PSORS1C1: variants seen among roughly 807,000 people sequenced by gnomAD.
PSORS1C1 encodes the protein psoriasis susceptibility 1 candidate gene 1 protein.
Under a neutral mutation model 9.4 loss-of-function variants are expected in PSORS1C1, and 7 were observed. The ratio of observed to expected loss-of-function variants is 0.75; its 90% CI spans 0.42 to 1.40. The LOEUF (loss-of-function observed/expected upper bound fraction) is 1.40. PSORS1C1 is among the 40% of genes most tolerant of loss of function. The pLI is 0.01. For missense variants in PSORS1C1, 146 were observed against 178.1 expected, an observed-to-expected ratio of 0.82 and a Z score of 1.02; for synonymous variants, 63 against 69.4, an observed-to-expected ratio of 0.91 and a Z score of 0.46.
chr6:31,130,578 A>ATT (rs9281218), intron 3 of PSORS1C1, among the ~76,000 whole-genome samples: 2 of 151,436 alleles, frequency 1.3e-5, no homozygotes, highest in Non-Finnish European at 2.9e-5. Flanking sequence ...CTCCCGGCTA[A>ATT]TTTTTTTTGT....
chr6:31,127,761 C>T (rs1772746037), intron 2 of PSORS1C1, among the ~76,000 whole-genome samples: 1 of 151,844 alleles, frequency 6.6e-6, no homozygotes, highest in Admixed American at 6.6e-5. Flanking sequence ...TTGCAGTGAG[C>T]TGAGATCGCA....
At position 31,120,318 on chromosome 6, in the gene PSORS1C1, G is replaced by A. The variant is rs372415381; in HGVS notation, c.-228-5358G>A. The A allele has an allele frequency of 3.8e-5, 60 of 1,558,836 alleles. No homozygotes were observed. The African/African-American group carries it at 8.0e-4, about 21-fold the overall frequency. ...CCTCCCGCCTCCCTCCTGTTCCCAG[G>A]GCCCCCAGCCTCCTACCTGGCAGGA... On this transcript the variant is annotated intron_variant, in intron 1 of 5. Coordinates refer to ENST00000259881, the MANE Select transcript of PSORS1C1 (RefSeq NM_014068.3).
chr6:31,138,786 G>A lies in PSORS1C1; in HGVS notation c.167+7G>A, dbSNP rs779284063. Reference sequence around the variant, plus strand: ...AGCCAGCAAACCATTTCTGGTGAGAGCCAAATGCACCTTCTGCACCATGTC... The same window carrying A: ...AGCCAGCAAACCATTTCTGGTGAGAACCAAATGCACCTTCTGCACCATGTC... On this transcript the variant is annotated splice_region_variant and intron_variant, in intron 5 of 5. Transcript: ENST00000259881. 7.4e-6 allele frequency: 12 copies of A among 1,613,974 alleles called. No individual in the cohort carries two copies. Among genetic ancestry groups the A allele is most frequent in the African/African-American group, 1.3e-5 (1 of 74,872 alleles).
chr6:31,119,472 G>A (rs1424115091), intron 1 of PSORS1C1, among the ~76,000 whole-genome samples: 4 of 152,196 alleles, frequency 2.6e-5, no homozygotes, highest in Admixed American at 6.5e-5. Context: ...CCGGCCTGGG[G>A]TTGAAATCTT....
At chr6:31,131,822 C>G (rs887812784) in intron 3 of PSORS1C1, among the ~76,000 whole-genome samples, 3 of 152,310 alleles carry the variant, frequency 2.0e-5, no homozygotes, top group East Asian at 1.9e-4. Context: ...GAGCATTTAC[C>G]AACAGTGCCC....
chr6:31,116,389 C>A lies in PSORS1C1; in HGVS notation c.-229+1498C>A, dbSNP rs9501054. ...ACTGCCGCAGGGATGGTAGGGTAAA[C>A]CGGAGCTGCTGGAAATGCTAGAACT... On this transcript the variant is annotated intron_variant, in intron 1 of 5. Transcript: ENST00000259881. 12,112 of 1,602,814 alleles carry A rather than the reference C, an allele frequency of 7.6e-3. 396 individuals carry two copies. The African/African-American group carries it at 0.076, about 10-fold the overall frequency.
At chr6:31,116,759 T>G in intron 1 of PSORS1C1, 1 of 1,613,084 alleles carries the variant, frequency 6.2e-7, no homozygotes, top group Non-Finnish European at 8.5e-7. Context: ...ACAGAGGTGA[T>G]TGGGGGACAG....
intron 1 of PSORS1C1, chr6:31,116,121 G>A: frequency 1.9e-6 from 3 of 1,610,880 alleles, no homozygotes; most frequent in Non-Finnish European, 2.5e-6. Flanking sequence ...TATCCCGGAT[G>A]GAGCGGCAGG....
In PSORS1C1 at chr6:31,114,830, A is replaced by G. The variant is rs1178311473; in HGVS notation, c.-290A>G. ...TGTGTCCCAGCCTTCCCAAGCTTCC[A>G]GGTGTCCCAGAAACCCAGGAAATCG... On this transcript the variant is annotated 5_prime_UTR_variant, in exon 1 of 6. Transcript: ENST00000259881. The G allele has an allele frequency of 2.2e-6, 1 of 455,696 alleles. No individual in the cohort carries two copies. The highest frequency in any genetic ancestry group is 1.6e-5 in the South Asian group (1 of 64,466). The allele number at this position is 455,696 out of a possible 1,614,324, so 28.2% of individuals were successfully genotyped here.
chr6:31,140,057 C>G lies in PSORS1C1; in HGVS notation c.*125C>G, dbSNP rs1338273286. 1.2e-5 allele frequency: 10 copies of G among 863,026 alleles called. No individual in the cohort carries two copies. Among genetic ancestry groups the G allele is most frequent in the Non-Finnish European group, 1.8e-5 (10 of 540,662 alleles). 53.5% of individuals were successfully genotyped at this position (863,026 alleles called of 1,614,324 possible). ...CCTCCCAGGTTGTTCCCTGCCTGGTCCGCTACCCCACAGTAAGGAACACCT... is the reference window on the plus strand; with the variant it reads ...CCTCCCAGGTTGTTCCCTGCCTGGTGCGCTACCCCACAGTAAGGAACACCT... On this transcript the variant is annotated 3_prime_UTR_variant, in exon 6 of 6. Transcript: ENST00000259881. This position sits in a 1 kb window ranked among gnomAD's most constrained non-coding sequence, Gnocchi z 4.6.
At chr6:31,138,917 C>A in intron 5 of PSORS1C1, 138 bp downstream of exon 5, 1 of 1,603,704 alleles carries the variant, frequency 6.2e-7, no homozygotes, top group African/African-American at 1.3e-5. Context: ...CCTCCGCCAT[C>A]TTGAGTATCC....
chr6:31,133,473 T>C (rs3130563), intron 3 of PSORS1C1: 139,745 of 152,244 alleles, frequency 0.92, 64,342 homozygotes, highest in East Asian at 0.98. Context: ...GGGGCAGCTT[T>C]TGTACCTGCA....
intron 1 of PSORS1C1, chr6:31,116,475 A>G: frequency 6.2e-7 from 1 of 1,602,812 alleles, no homozygotes; most frequent in South Asian, 1.1e-5. Flanking sequence ...AGCCGCCTCC[A>G]CAGAGCTGGA....
intron 3 of PSORS1C1, among the ~76,000 whole-genome samples, chr6:31,133,076 C>A (rs1772989182): frequency 6.6e-6 from 1 of 151,978 alleles, no homozygotes; most frequent in African/African-American, 2.4e-5. Context: ...AGCTCTCTGC[C>A]CCTGGAAAAG....
In PSORS1C1 at chr6:31,139,274, G is replaced by A. The variant is rs2233948; in HGVS notation, c.168-367G>A. The A allele has an allele frequency of 6.2e-5, 36 of 578,172 alleles. No individual in the cohort carries two copies. The East Asian group carries it at 7.3e-4, about 12-fold the overall frequency. 35.8% of individuals were successfully genotyped at this position (578,172 alleles called of 1,614,324 possible). A position where few individuals can be genotyped will look rare whatever the true frequency, so the allele number is the denominator to read the frequency against. ...CTCCCTATCATGACCCAGAGCCTGC[G>A]TCACCCCACCCTGGTTTTCACACCC... On this transcript the variant is annotated intron_variant, in intron 5 of 5. Coordinates refer to ENST00000259881, the MANE Select transcript of PSORS1C1 (RefSeq NM_014068.3). This position sits in a 1 kb window ranked among gnomAD's most constrained non-coding sequence, Gnocchi z 5.2.
intron 1 of PSORS1C1, chr6:31,117,563 G>C: frequency 1.3e-6 from 2 of 1,540,014 alleles, no homozygotes; most frequent in South Asian, 1.2e-5. Flanking sequence ...TAAGGGCCAA[G>C]GAGGCTTGGC....
At chr6:31,121,585 G>A (rs1772465442) in intron 1 of PSORS1C1, among the ~76,000 whole-genome samples, 1 of 152,166 alleles carries the variant, frequency 6.6e-6, no homozygotes, top group Admixed American at 6.5e-5. Context: ...TATTGCGGGA[G>A]TATCAGTATC....
Position 31,128,955 on chromosome 6 carries a change from C to A in PSORS1C1, c.-64-614C>A, listed in dbSNP as rs1772795012. Among the ~76,000 whole-genome samples, 1 of 152,186 alleles carries A rather than the reference C, an allele frequency of 6.6e-6. No homozygotes were observed. The highest frequency in any genetic ancestry group is 1.5e-5 in the Non-Finnish European group (1 of 68,032). ...CACCATCACATAGCACCCCACAGAG[C>A]AGATGCTCAATGAATGTTGATTGTG... is the stretch of plus-strand genomic sequence containing the variant. On this transcript the variant is annotated intron_variant, in intron 2 of 5. Coordinates refer to ENST00000259881, the MANE Select transcript of PSORS1C1 (RefSeq NM_014068.3). This position sits in a 1 kb window ranked among gnomAD's most constrained non-coding sequence, Gnocchi z 4.3.
intron 3 of PSORS1C1, among the ~76,000 whole-genome samples, chr6:31,134,492 A>C (rs1426207413): frequency 1.3e-5 from 2 of 151,524 alleles, no homozygotes; most frequent in Non-Finnish European, 2.9e-5. Flanking sequence ...TTTTTAGTAG[A>C]GACTGGGTTT....
Sources: allele counts gnomAD v4.1 joint callset (sites outside exome capture counted in the v4.1 genomes callset), GRCh38; gene constraint gnomAD v4.1.1; non-coding constraint Gnocchi (gnomAD v3.1); transcripts MANE v1.5; gene names NCBI Gene and HGNC (gene_info 2026-07-23, HGNC 2026-07-21).